MTUS2: variants seen among roughly 807,000 people sequenced by gnomAD.
The protein encoded by MTUS2 is microtubule-associated tumor suppressor candidate 2.
In MTUS2, 40 loss-of-function variants were observed where a neutral mutation model predicts 114.1. The observed-to-expected ratio is 0.35, with a 90% CI of 0.27 to 0.46. The LOEUF (loss-of-function observed/expected upper bound fraction) is 0.46, where lower values mean the gene tolerates loss of function less well. Among genes scored for constraint, MTUS2 ranks in the 20% least tolerant of loss-of-function variants. MTUS2 has a pLI of 1.00. For missense variants in MTUS2, 1,679 were observed against 1,705.4 expected, an observed-to-expected ratio of 0.98 and a Z score of 0.27; for synonymous variants, 688 against 672.0, an observed-to-expected ratio of 1.02 and a Z score of -0.37.
intron 7 of MTUS2, among the ~76,000 whole-genome samples, chr13:29,338,595 A>AC (rs1218527483): frequency 7.2e-6 from 1 of 138,290 alleles, no homozygotes; most frequent in Non-Finnish European, 1.6e-5. Flanking sequence ...ATCTCAGAAA[A>AC]CAAAAAAAAA....
At chr13:29,477,267 T>C (rs79976916) in intron 9 of MTUS2, among the ~76,000 whole-genome samples, 95 of 152,366 alleles carry the variant, frequency 6.2e-4, no homozygotes, top group Non-Finnish European at 1.0e-3. Context: ...CTATGGTCTT[T>C]GTTCTATTCT....
At chr13:29,285,678 C>G (rs1046487717) in intron 6 of MTUS2, among the ~76,000 whole-genome samples, 3 of 152,126 alleles carry the variant, frequency 2.0e-5, no homozygotes, top group Non-Finnish European at 4.4e-5. Flanking sequence ...CTCTGATGTA[C>G]TCGGCAAGAG....
chr13:29,370,194 A>G (rs890143752), intron 8 of MTUS2, among the ~76,000 whole-genome samples: 14 of 152,080 alleles, frequency 9.2e-5, no homozygotes, highest in Non-Finnish European at 1.8e-4. Flanking sequence ...TAAAAGAGAG[A>G]GAGAAAATGG....
chr13:28,977,788 TTTA>T (rs1285561409), intron 2 of MTUS2, among the ~76,000 whole-genome samples: 1 of 152,170 alleles, frequency 6.6e-6, no homozygotes, highest in Admixed American at 6.5e-5. Context: ...GAGTCCAGGA[TTTA>T]TTCATTTATT....
At chr13:29,162,316 A>G (rs778669396) in intron 5 of MTUS2, among the ~76,000 whole-genome samples, 12 of 152,168 alleles carry the variant, frequency 7.9e-5, no homozygotes, top group African/African-American at 1.2e-4. Context: ...TACATACTCT[A>G]TTAATTATAT....
intron 2 of MTUS2, among the ~76,000 whole-genome samples, chr13:28,988,337 C>G (rs1291303526): frequency 6.6e-6 from 1 of 152,170 alleles, no homozygotes; most frequent in Non-Finnish European, 1.5e-5. Context: ...ATATATGCAC[C>G]TACCTGGCTA....
chr13:28,937,731 C>T (rs1231246867), intron 2 of MTUS2, among the ~76,000 whole-genome samples: 2 of 152,112 alleles, frequency 1.3e-5, no homozygotes, highest in Non-Finnish European at 2.9e-5. Context: ...AGAGCATAGC[C>T]TAGAGTGTCC....
At position 29,352,375 on chromosome 13, in the gene MTUS2, C is replaced by T. The variant is rs561214182; in HGVS notation, c.2906-6887C>T. Reference sequence around the variant, plus strand: ...ATATTTTAAAGATAGAACATTCTGACGCAGCTGTTTTGATGCCAGCATTTT... The same window carrying T: ...ATATTTTAAAGATAGAACATTCTGATGCAGCTGTTTTGATGCCAGCATTTT... On this transcript the variant is annotated intron_variant, in intron 7 of 15. Coordinates refer to ENST00000612955, the MANE Select transcript of MTUS2 (RefSeq NM_001033602.4). Among the ~76,000 whole-genome samples, 21 of 152,312 alleles carry T rather than the reference C, an allele frequency of 1.4e-4. No individual in the cohort carries two copies. The East Asian group carries it at 2.1e-3, about 15-fold the overall frequency.
At chr13:29,072,820 T>C (rs1334071184) in intron 4 of MTUS2, among the ~76,000 whole-genome samples, 1 of 152,246 alleles carries the variant, frequency 6.6e-6, no homozygotes, top group Admixed American at 6.5e-5. Flanking sequence ...TGACCAACTC[T>C]TCTAATTCTG....
intron 4 of MTUS2, among the ~76,000 whole-genome samples, chr13:29,043,832 T>G (rs1478981325): frequency 6.6e-6 from 1 of 151,970 alleles, no homozygotes; most frequent in Non-Finnish European, 1.5e-5. Context: ...ACATTCTAGC[T>G]TCAAGTGATA....
chr13:29,123,165 A>G (rs1272690754), intron 5 of MTUS2, among the ~76,000 whole-genome samples: 1 of 152,182 alleles, frequency 6.6e-6, no homozygotes, highest in African/African-American at 2.4e-5. Flanking sequence ...TTCATTTACA[A>G]TCAGCACTTG....
chr13:29,180,119 G>T (rs1370241619), intron 5 of MTUS2, among the ~76,000 whole-genome samples: 1 of 152,182 alleles, frequency 6.6e-6, no homozygotes, highest in East Asian at 1.9e-4. Context: ...ATATTTCCCT[G>T]TAAAACCCTC....
At chr13:29,371,554 C>A (rs1040354530) in intron 8 of MTUS2, among the ~76,000 whole-genome samples, 1 of 152,020 alleles carries the variant, frequency 6.6e-6, no homozygotes, top group African/African-American at 2.4e-5. Flanking sequence ...TATTTTGATA[C>A]CCATGTTATA....
At chr13:28,900,906 G>C (rs1164842913) in intron 2 of MTUS2, among the ~76,000 whole-genome samples, 2 of 152,128 alleles carry the variant, frequency 1.3e-5, no homozygotes, top group Non-Finnish European at 2.9e-5. Context: ...AAATGCCTAA[G>C]ACTGCAGTTT....
chr13:29,116,653 G>T (rs1243085312), intron 5 of MTUS2, among the ~76,000 whole-genome samples: 1 of 151,946 alleles, frequency 6.6e-6, no homozygotes, highest in Non-Finnish European at 1.5e-5. Flanking sequence ...TTGCACTTTG[G>T]GGCCATTCTT....
chr13:29,340,488 T>A (rs1777675491), intron 7 of MTUS2, among the ~76,000 whole-genome samples: 1 of 152,224 alleles, frequency 6.6e-6, no homozygotes, highest in Non-Finnish European at 1.5e-5. Flanking sequence ...TTAATGTCAC[T>A]TTTTGCAATT....
At chr13:29,462,674 G>T (rs939842103) in intron 9 of MTUS2, among the ~76,000 whole-genome samples, 4 of 152,122 alleles carry the variant, frequency 2.6e-5, no homozygotes, top group African/African-American at 9.7e-5. Context: ...CTATAAAGAG[G>T]GAGAGAAATG....
chr13:28,874,494 C>T lies in MTUS2; in HGVS notation c.-243+34644C>T, dbSNP rs143002540. 3.3e-3 allele frequency among the ~76,000 whole-genome samples: 499 copies of T among 152,214 alleles called. 2 individuals carry two copies. The highest frequency in any genetic ancestry group is 0.011 in the African/African-American group (472 of 41,538). ...TTAGGATCTCTCAGACAGTTGTAAA[C>T]AGCAGTCATCTATAGGTGTGGCTAG... On this transcript the variant is annotated intron_variant, in intron 2 of 15. Coordinates refer to ENST00000612955, the MANE Select transcript of MTUS2 (RefSeq NM_001033602.4).
At chr13:29,351,785 T>A (rs1258123308) in intron 7 of MTUS2, among the ~76,000 whole-genome samples, 1 of 151,426 alleles carries the variant, frequency 6.6e-6, no homozygotes, top group African/African-American at 2.4e-5. Context: ...TTTATTTTTT[T>A]TTTTTTTTTT....
Sources: allele counts gnomAD v4.1 joint callset (sites outside exome capture counted in the v4.1 genomes callset), GRCh38; gene constraint gnomAD v4.1.1; transcripts MANE v1.5; gene names NCBI Gene and HGNC (gene_info 2026-07-23, HGNC 2026-07-21).